TRAPPC9: variants seen among roughly 807,000 people sequenced by gnomAD.
TRAPPC9 encodes IKK2 binding protein.
TRAPPC9 carries 83 observed loss-of-function variants against 124.0 expected under a neutral mutation model. The observed-to-expected ratio is 0.67, with a 90% confidence interval of 0.56 to 0.80. The LOEUF (loss-of-function observed/expected upper bound fraction) is 0.80. Ranked by LOEUF, TRAPPC9 falls within the 30% of genes least tolerant of loss-of-function variation. The pLI, the probability that TRAPPC9 is intolerant of heterozygous loss-of-function variation, is 0.00. For synonymous variants in TRAPPC9, 638 were observed against 617.5 expected, an observed-to-expected ratio of 1.03 and a Z score of -0.49; for missense variants, 1,302 against 1,508.3, an observed-to-expected ratio of 0.86 and a Z score of 2.27.
chr8:140,102,166 G>A (rs2060591898), intron 17 of TRAPPC9, among the ~76,000 whole-genome samples: 1 of 152,190 alleles, frequency 6.6e-6, no homozygotes. Flanking sequence ...TGCTTTGTAA[G>A]AGACAATAAA....
At chr8:139,980,941 G>A in intron 19 of TRAPPC9, among the ~76,000 whole-genome samples, 1 of 152,200 alleles carries the variant, frequency 6.6e-6, no homozygotes, top group East Asian at 1.9e-4. Flanking sequence ...GAAGGTTTCT[G>A]AGGAACAAAG....
At chr8:140,286,464 C>A (rs983081789) in intron 13 of TRAPPC9, among the ~76,000 whole-genome samples, 20 of 152,118 alleles carry the variant, frequency 1.3e-4, no homozygotes, top group Non-Finnish European at 2.4e-4. Context: ...AAACACCAGT[C>A]CCAGTGCTTT....
Position 139,784,608 on chromosome 8 carries a change from C to CATATATATATATATAT in TRAPPC9, c.3056-52422_3056-52407dup, listed in dbSNP as rs34583867. On this transcript the variant is annotated intron_variant, in intron 21 of 22. Coordinates refer to ENST00000438773, the MANE Select transcript of TRAPPC9 (RefSeq NM_001160372.4). Reference sequence around the variant, plus strand: ...AATAAATAAATAAATAAAAGACTGACATATATATATATATATATATATATA... The same window carrying CATATATATATATATAT: ...AATAAATAAATAAATAAAAGACTGACATATATATATATATATATATATATATATATATATATATATA... Among the ~76,000 whole-genome samples the CATATATATATATATAT allele has an allele frequency of 5.4e-3, 477 of 88,530 alleles. 10 individuals are homozygous for CATATATATATATATAT. Among genetic ancestry groups the CATATATATATATATAT allele is most frequent in the South Asian group, 6.7e-3 (15 of 2,224 alleles). 58.1% of individuals were successfully genotyped at this position (88,530 alleles called of 152,430 possible).
At chr8:140,314,139 C>T (rs548558516) in intron 9 of TRAPPC9, among the ~76,000 whole-genome samples, 35 of 152,288 alleles carry the variant, frequency 2.3e-4, no homozygotes, top group Non-Finnish European at 4.7e-4. Flanking sequence ...TATCCTGGAA[C>T]GCAGACAACA....
At position 140,066,480 on chromosome 8, in the gene TRAPPC9, G is replaced by T. The variant is rs186246761; in HGVS notation, c.2557-42401C>A. 1.2e-4 allele frequency among the ~76,000 whole-genome samples: 19 copies of T among 152,342 alleles called. No homozygotes were observed. The East Asian group carries it at 3.5e-3, about 28-fold the overall frequency. ...AATATCTCTTGAAGTGCAGTGAATT[G>T]AACTGAACTAAGTTGATATGAGCTG... On this transcript the variant is annotated intron_variant, in intron 17 of 22. Coordinates refer to ENST00000438773, the MANE Select transcript of TRAPPC9 (RefSeq NM_001160372.4).
In TRAPPC9 at chr8:140,451,403, G is replaced by A. The variant is rs770740172; in HGVS notation, c.-10-20C>T. The A allele has an allele frequency of 2.5e-6, 4 of 1,588,248 alleles. No homozygotes were observed. Among genetic ancestry groups the A allele is most frequent in the Non-Finnish European group, 3.4e-6 (4 of 1,171,350 alleles). On this transcript the variant is annotated intron_variant, in intron 1 of 22. Coordinates refer to ENST00000438773, the MANE Select transcript of TRAPPC9 (RefSeq NM_001160372.4). ...AAGTCCCTGTTCAGAGAGAAGAAAT[G>A]AGGCTGTGAGACACAGAGTCCTGAG...
intron 9 of TRAPPC9, among the ~76,000 whole-genome samples, chr8:140,328,122 G>A (rs2066788821): frequency 6.6e-6 from 1 of 152,098 alleles, no homozygotes; most frequent in African/African-American, 2.4e-5. Flanking sequence ...GGGCATTGTG[G>A]TGGGTGCCTA....
Position 139,729,553 on chromosome 8 carries a change from C to G in TRAPPC9, c.*1508G>C, listed in dbSNP as rs1414250815. ...CTGAGGGCCACTGGACACCCGCCCC[C>G]ACATGCCCCCAGCCCACACCACATC... On this transcript the variant is annotated 3_prime_UTR_variant, in exon 23 of 23. Coordinates refer to ENST00000438773, the MANE Select transcript of TRAPPC9 (RefSeq NM_001160372.4). Among the ~76,000 whole-genome samples the G allele has an allele frequency of 2.0e-5, 3 of 152,232 alleles. No individual in the cohort carries two copies. The highest frequency in any genetic ancestry group is 7.2e-5 in the African/African-American group (3 of 41,460).
intron 19 of TRAPPC9, among the ~76,000 whole-genome samples, chr8:139,943,665 G>A (rs1312155595): frequency 1.3e-5 from 2 of 152,116 alleles, no homozygotes; most frequent in African/African-American, 4.8e-5. Context: ...TGAAAATACT[G>A]TGGCAATTCA....
chr8:140,037,215 CGAGTGAT>C (rs1840952372), intron 17 of TRAPPC9, among the ~76,000 whole-genome samples: 1 of 152,028 alleles, frequency 6.6e-6, no homozygotes, highest in East Asian at 1.9e-4. Context: ...GGCCCCTGAG[CGAGTGAT>C]CTGATCTCTT....
At chr8:140,189,408 G>A (rs569275971) in intron 17 of TRAPPC9, among the ~76,000 whole-genome samples, 3 of 152,294 alleles carry the variant, frequency 2.0e-5, no homozygotes, top group East Asian at 3.9e-4. Flanking sequence ...AAAAACTAGC[G>A]ACCCAAGCCT....
At chr8:139,883,761 C>T (rs575880384) in intron 21 of TRAPPC9, among the ~76,000 whole-genome samples, 3 of 152,336 alleles carry the variant, frequency 2.0e-5, no homozygotes, top group East Asian at 3.9e-4. Context: ...CAGGCAGGAC[C>T]GGGCTGAGGT....
At chr8:139,753,105 A>C (rs1819462570) in intron 21 of TRAPPC9, among the ~76,000 whole-genome samples, 1 of 131,810 alleles carries the variant, frequency 7.6e-6, no homozygotes, top group Admixed American at 7.8e-5. Flanking sequence ...ACATCTACCC[A>C]TCCATTCACC....
At chr8:139,810,339 G>T (rs552917021) in intron 21 of TRAPPC9, among the ~76,000 whole-genome samples, 32 of 152,198 alleles carry the variant, frequency 2.1e-4, no homozygotes, top group Non-Finnish European at 4.3e-4. Context: ...GGGCAGGGAT[G>T]AGCAATGGGT....
intron 17 of TRAPPC9, among the ~76,000 whole-genome samples, chr8:140,067,798 G>A (rs1842959019): frequency 6.6e-6 from 1 of 152,132 alleles, no homozygotes; most frequent in African/African-American, 2.4e-5. Context: ...CAGAGAAAAG[G>A]CAAGACTTGT....
chr8:140,134,016 C>G (rs1450361200), intron 17 of TRAPPC9, among the ~76,000 whole-genome samples: 1 of 151,950 alleles, frequency 6.6e-6, no homozygotes, highest in African/African-American at 2.4e-5. Flanking sequence ...ATTCCAACAG[C>G]TTATTTTTTC....
chr8:139,771,530 A>G (rs1234509780), intron 21 of TRAPPC9, among the ~76,000 whole-genome samples: 1 of 152,124 alleles, frequency 6.6e-6, no homozygotes, highest in Non-Finnish European at 1.5e-5. Flanking sequence ...GTAGGTTTTG[A>G]AATAAAAAAC....
chr8:139,810,193 CAA>C (rs1824342374), intron 21 of TRAPPC9, among the ~76,000 whole-genome samples: 1 of 152,112 alleles, frequency 6.6e-6, no homozygotes, highest in Non-Finnish European at 1.5e-5. Flanking sequence ...TTGGAAGAAG[CAA>C]AGAGGATGGG....
chr8:140,161,976 G>A (rs1289466404), intron 17 of TRAPPC9, among the ~76,000 whole-genome samples: 1 of 152,132 alleles, frequency 6.6e-6, no homozygotes, highest in Admixed American at 6.6e-5. Context: ...CGGCAGAGAG[G>A]AGCCCTGAGC....
Sources: allele counts gnomAD v4.1 joint callset (sites outside exome capture counted in the v4.1 genomes callset), GRCh38; gene constraint gnomAD v4.1.1; transcripts MANE v1.5; gene names NCBI Gene and HGNC (gene_info 2026-07-23, HGNC 2026-07-21).